The following INPP5F variants were observed in gnomAD, a reference collection of about 807,000 sequenced individuals.
INPP5F encodes phosphatidylinositide 4-phosphatase SAC2.
Under a neutral mutation model 137.2 loss-of-function variants are expected in INPP5F, and 97 were observed. The ratio of observed to expected loss-of-function variants is 0.71; its 90% CI spans 0.60 to 0.84. The LOEUF (loss-of-function observed/expected upper bound fraction) is 0.84. INPP5F is among the 40% of genes least tolerant of loss of function. The pLI is 0.00. For missense variants in INPP5F, 1,271 were observed against 1,371.9 expected (o/e 0.93, Z 1.16); for synonymous variants, 504 against 476.9 (o/e 1.06, Z -0.74).
chr10:119,795,101 C>T (rs1321796835), intron 6 of INPP5F, among the ~76,000 whole-genome samples: 1 of 146,418 alleles, frequency 6.8e-6, no homozygotes, highest in Non-Finnish European at 1.5e-5. Flanking sequence ...CCCTCCCTCC[C>T]GGACGGGGCG....
chr10:119,826,654 A>G lies in INPP5F; in HGVS notation c.2273A>G (p.Asp758Gly). 2 of 1,588,904 alleles carry G rather than the reference A, an allele frequency of 1.3e-6. No homozygotes were observed. The highest frequency in any genetic ancestry group is 1.2e-5 in the South Asian group (1 of 86,118). ...AGGAAGAGCAGTAAACCTCACGAAG[A>G]CATCATTGGTATCAGGTCTCAAAAC... Reference protein sequence around the residue: ...LERKSSKPHEDIIGIRSQNQG... With the variant: ...LERKSSKPHEGIIGIRSQNQG... Residue 758 changes from aspartate to glycine, a missense_variant, in exon 20 of 20, where the codon GAC becomes GGC. Transcript: ENST00000650623.
At chr10:119,812,172 T>C (rs975305095) in intron 15 of INPP5F, among the ~76,000 whole-genome samples, 17 of 152,210 alleles carry the variant, frequency 1.1e-4, no homozygotes, top group African/African-American at 3.6e-4. Flanking sequence ...AAAAATATTT[T>C]AGTGCAGTAT....
chr10:119,779,015 C>T (rs988263728), intron 2 of INPP5F, among the ~76,000 whole-genome samples: 41 of 152,244 alleles, frequency 2.7e-4, no homozygotes, highest in African/African-American at 9.9e-4. Flanking sequence ...CTATTCCCAT[C>T]CCCCTCTTCT....
In INPP5F at chr10:119,827,201, T is replaced by G; in HGVS notation, c.2820T>G (p.Ser940Arg). 6.2e-7 allele frequency: 1 copy of G among 1,614,128 alleles called. No individual in the cohort carries two copies. ...GCCAGGAGTCTCCTTTGAAGAAAAG[T>G]CCTTCTGCTGGCGACGTACACATAT... ...GKGQESPLKK[S>R]PSAGDVHILT... Residue 940 changes from serine (S) to arginine (R), a missense_variant, in exon 20 of 20, where the codon AGT becomes AGG. By Grantham distance (110) the Ser-to-Arg change is moderately radical. Around this residue, in one of 6 missense-constraint regions of INPP5F, gnomAD observed 490 missense variants for 443.7 expected, o/e 1.10. Transcript: ENST00000650623.
chr10:119,807,981 G>C lies in INPP5F; in HGVS notation c.1490G>C (p.Cys497Ser), dbSNP rs1850861102. 6.2e-7 allele frequency: 1 copy of C among 1,613,830 alleles called. No homozygotes were observed. Among genetic ancestry groups the C allele is most frequent in the South Asian group, 1.1e-5 (1 of 91,028 alleles). ...MPPEQPLPVK[C>S]NRIYQIMWAN... ...CCGGAACAGCCATTACCTGTGAAAT[G>C]TAATCGCATCTACCAGATAATGTGG... is the stretch of plus-strand genomic sequence containing the variant. The change falls in exon 13 of 20, where the codon TGT (cysteine) becomes TCT (serine). Residue 497 changes from cysteine (C) to serine (S), a missense_variant. This residue lies in a region of INPP5F where 593 missense variants were observed against 712.4 expected (regional missense o/e 0.83). Coordinates refer to ENST00000650623, the MANE Select transcript of INPP5F (RefSeq NM_014937.4).
At chr10:119,819,998 T>C (rs953300616) in intron 15 of INPP5F, among the ~76,000 whole-genome samples, 1 of 152,198 alleles carries the variant, frequency 6.6e-6, no homozygotes, top group Non-Finnish European at 1.5e-5. Flanking sequence ...TTTCTTACAG[T>C]GGAATTTGGA....
intron 2 of INPP5F, among the ~76,000 whole-genome samples, chr10:119,780,185 G>A (rs1849656765): frequency 6.6e-6 from 1 of 152,136 alleles, no homozygotes; most frequent in African/African-American, 2.4e-5. Context: ...ACATCATTAT[G>A]TGGTATGTGA....
intron 15 of INPP5F, chr10:119,819,746 G>T (rs1001189097): frequency 2.5e-6 from 1 of 393,526 alleles, no homozygotes; most frequent in Non-Finnish European, 4.5e-6. Flanking sequence ...CGTGCAAATT[G>T]AGGTGAATTT....
At chr10:119,823,310 C>A in intron 18 of INPP5F, 111 bp downstream of exon 18, 2 of 1,014,138 alleles carry the variant, frequency 2.0e-6, no homozygotes. Flanking sequence ...GAGAGAGGGT[C>A]CAGGGAATAG....
chr10:119,808,172 C>T, intron 13 of INPP5F, 112 bp downstream of exon 13: 2 of 1,306,068 alleles, frequency 1.5e-6, no homozygotes, highest in South Asian at 1.5e-5. Flanking sequence ...GTGTAGTTGA[C>T]TCTTTTCTGA....
At chr10:119,820,952 G>A in intron 16 of INPP5F, 35 bp downstream of exon 16, 2 of 1,375,380 alleles carry the variant, frequency 1.5e-6, no homozygotes, top group Non-Finnish European at 2.1e-6. Context: ...TTTTGATTTT[G>A]TTTTTTAAAC....
chr10:119,776,469 C>T (rs972795455), intron 2 of INPP5F, among the ~76,000 whole-genome samples: 12 of 151,924 alleles, frequency 7.9e-5, no homozygotes, highest in African/African-American at 2.9e-4. Context: ...GAGATAAAAC[C>T]TGTGTTTGAA....
intron 9 of INPP5F, among the ~76,000 whole-genome samples, 176 bp downstream of exon 9, chr10:119,798,786 C>CTTTTTTT (rs374141329): frequency 4.0e-5 from 4 of 100,710 alleles, no homozygotes; most frequent in East Asian, 2.9e-4. Context: ...GAGTCAGCTA[C>CTTTTTTT]TTTTTTTTTT....
chr10:119,727,765 T>C (rs1847935495), intron 1 of INPP5F, among the ~76,000 whole-genome samples: 1 of 152,246 alleles, frequency 6.6e-6, no homozygotes, highest in African/African-American at 2.4e-5. Context: ...TTATTATGGA[T>C]AGGCTAATTT....
chr10:119,772,149 C>T (rs187945475), intron 2 of INPP5F, among the ~76,000 whole-genome samples: 5 of 151,804 alleles, frequency 3.3e-5, no homozygotes, highest in South Asian at 2.1e-4. Context: ...CTGCCTACCT[C>T]GGCCTCCCAA....
Position 119,810,180 on chromosome 10 carries a change from C to T in INPP5F, c.1650C>T (p.Leu550=). The T allele has an allele frequency of 6.2e-7, 1 of 1,611,850 alleles. No individual in the cohort carries two copies. The highest frequency in any genetic ancestry group is 8.5e-7 in the Non-Finnish European group (1 of 1,178,224). ...TGAACTCAGCAAACAGATATTACCT[C>T]AACCGATTTAAGGATGCTTATAGGC... The part of the protein sequence containing the change: ...DGVNSANRYY[L]NRFKDAYRQA... Residue 550 remains leucine (L), a synonymous_variant, in exon 14 of 20, where the codon CTC becomes CTT. Transcript: ENST00000650623.
intron 14 of INPP5F, 62 bp from the exon 15 acceptor site, chr10:119,811,692 CTTT>C: frequency 1.5e-6 from 2 of 1,317,638 alleles, no homozygotes; most frequent in Non-Finnish European, 2.1e-6. Context: ...CTTACATTCT[CTTT>C]TGTTTTTTAA....
intron 12 of INPP5F, among the ~76,000 whole-genome samples, chr10:119,806,851 A>G (rs1850813025): frequency 6.8e-6 from 1 of 147,724 alleles, no homozygotes; most frequent in South Asian, 2.1e-4. Context: ...TCTGTTGCCC[A>G]GGCTGTTGGG....
intron 2 of INPP5F, 42 bp from the exon 3 acceptor site, chr10:119,781,593 A>C (rs777283113): frequency 5.1e-6 from 8 of 1,556,052 alleles, no homozygotes; most frequent in Non-Finnish European, 7.0e-6. Context: ...GAACAGTAGC[A>C]CTCTAAAAAC....
Sources: gnomAD v4.1 joint callset for allele counts (sites outside exome capture counted in the v4.1 genomes callset) on GRCh38, gnomAD v4.1.1 for gene constraint, gnomAD v4.1.1 regional missense constraint, MANE v1.5 for transcripts, NCBI Gene and HGNC (gene_info 2026-07-23, HGNC 2026-07-21) for gene names.